Variants in EXD3 observed in about 807,000 individuals in gnomAD.
EXD3 encodes exonuclease 3'-5' domain containing 3.
In EXD3, 92 loss-of-function variants were observed where a neutral mutation model predicts 98.0. That is an observed-to-expected ratio of 0.94 (90% CI 0.79 to 1.12). The LOEUF is 1.12. Ranked by LOEUF, EXD3 falls within the 50% of genes most tolerant of loss-of-function variation. EXD3 has a pLI of 0.00. For missense variants in EXD3, 1,222 were observed against 1,191.6 expected (o/e 1.03, Z -0.38); for synonymous variants, 569 against 526.0 (o/e 1.08, Z -1.12).
At chr9:137,390,301 GGGCA>G (rs1836835759) in intron 2 of EXD3, among the ~76,000 whole-genome samples, 1 of 149,242 alleles carries the variant, frequency 6.7e-6, no homozygotes. Flanking sequence ...GAGTGGCGGC[GGGCA>G]CCTGTAGTCC....
intron 19 of EXD3, among the ~76,000 whole-genome samples, chr9:137,315,727 G>T (rs1402167846): frequency 1.3e-5 from 2 of 152,204 alleles, no homozygotes; most frequent in Admixed American, 1.3e-4. Flanking sequence ...GTTAGCAAGC[G>T]CCTGTGTTTG....
At chr9:137,338,831 T>G (rs1211156399) in intron 17 of EXD3, among the ~76,000 whole-genome samples, 2 of 147,226 alleles carry the variant, frequency 1.4e-5, no homozygotes, top group Non-Finnish European at 3.0e-5. Flanking sequence ...AGGCGGAGCT[T>G]GTAGTGAGCC....
At chr9:137,367,212 C>A (rs1564517386) in intron 6 of EXD3, among the ~76,000 whole-genome samples, 2 of 152,224 alleles carry the variant, frequency 1.3e-5, no homozygotes, top group African/African-American at 4.8e-5. Flanking sequence ...GGCCCACCTG[C>A]CCAGCAGTGC....
intron 17 of EXD3, among the ~76,000 whole-genome samples, chr9:137,329,113 GGCTACACGGGGCTACACGGGA>G (rs1336480937): frequency 4.9e-5 from 1 of 20,204 alleles, no homozygotes; most frequent in Non-Finnish European, 9.1e-5. Context: ...GGCTACACGG[GGCTACACGGGGCTACACGGGA>G]GCTACACGGG....
chr9:137,383,230 G>T, intron 3 of EXD3, 83 bp downstream of exon 3: 1 of 1,155,352 alleles, frequency 8.7e-7, no homozygotes, highest in Non-Finnish European at 1.3e-6. Flanking sequence ...TGACCAGGGA[G>T]GCCTCCTGTT....
At chr9:137,413,059 G>A (rs899596074) in intron 1 of EXD3, among the ~76,000 whole-genome samples, 1 of 152,206 alleles carries the variant, frequency 6.6e-6, no homozygotes, top group Admixed American at 6.5e-5. Flanking sequence ...TGGGATTACA[G>A]GCGTGAGCCA....
rs1040157329 is a variant in EXD3, at chr9:137,385,824, G to T, written c.56-2447C>A. On this transcript the variant is annotated intron_variant, in intron 2 of 21. Transcript: ENST00000340951. The surrounding 1 kb of genome is among the most constrained non-coding windows in gnomAD (Gnocchi z 4.4). ...GCTGGGATGACAGGCGTGAGCCACC[G>T]CGCCCAGCCCAGATTTTCTTTTAAA... Among the ~76,000 whole-genome samples the T allele has an allele frequency of 6.6e-6, 1 of 151,140 alleles. No individual in the cohort carries two copies. Among genetic ancestry groups the T allele is most frequent in the South Asian group, 2.2e-4 (1 of 4,566 alleles).
At chr9:137,402,936 G>A (rs1485279096) in intron 1 of EXD3, among the ~76,000 whole-genome samples, 2 of 152,128 alleles carry the variant, frequency 1.3e-5, no homozygotes, top group African/African-American at 2.4e-5. Context: ...ATCAGATCTC[G>A]TGAGTCATAT....
chr9:137,387,607 AG>A (rs1836670427), intron 2 of EXD3, among the ~76,000 whole-genome samples: 1 of 152,042 alleles, frequency 6.6e-6, no homozygotes, highest in Non-Finnish European at 1.5e-5. Flanking sequence ...GGTGCCTGGG[AG>A]AGCCCTGGGG....
chr9:137,354,877 C>T, intron 8 of EXD3, 104 bp from the exon 9 acceptor site: 1 of 1,087,742 alleles, frequency 9.2e-7, no homozygotes, highest in Non-Finnish European at 1.3e-6. Context: ...CCTGCCCCTT[C>T]ACCGTCCTCC....
intron 17 of EXD3, among the ~76,000 whole-genome samples, chr9:137,335,965 AG>A (rs1198966260): frequency 2.0e-5 from 3 of 152,228 alleles, no homozygotes; most frequent in Non-Finnish European, 4.4e-5. Flanking sequence ...GCCGTAAAAA[AG>A]AACAAAATAA....
At chr9:137,312,844 C>A (rs1016485552) in intron 19 of EXD3, among the ~76,000 whole-genome samples, 2 of 152,136 alleles carry the variant, frequency 1.3e-5, no homozygotes, top group Non-Finnish European at 2.9e-5. Flanking sequence ...GCTGAAGGGG[C>A]CAGCGCTGGG....
intron 8 of EXD3, among the ~76,000 whole-genome samples, chr9:137,355,359 C>A (rs962694000): frequency 6.6e-6 from 1 of 151,506 alleles, no homozygotes; most frequent in Admixed American, 6.6e-5. Flanking sequence ...AGGGCCCCAC[C>A]CCCCACGCCC....
In EXD3 at chr9:137,355,654, GAAGGAGGAAGGAGA is replaced by G. The variant is rs1834700818; in HGVS notation, c.757+600_757+613del. ...GGAGGAAGGAGGAAGGAGGAAGGAGGAAGGAGGAAGGAGAAAGGGAGGATGGAGGAAGGAGAAAG... is the reference window on the plus strand; with the variant it reads ...GGAGGAAGGAGGAAGGAGGAAGGAGGAAGGGAGGATGGAGGAAGGAGAAAG... On this transcript the variant is annotated intron_variant, in intron 8 of 21. Transcript: ENST00000340951. Among the ~76,000 whole-genome samples, 9 of 107,256 alleles carry G rather than the reference GAAGGAGGAAGGAGA, an allele frequency of 8.4e-5. 1 individual carries two copies. The highest frequency in any genetic ancestry group is 6.3e-5 in the Non-Finnish European group (3 of 47,268). The allele number at this position is 107,256 out of a possible 152,430, so 70.4% of individuals were successfully genotyped here.
intron 3 of EXD3, among the ~76,000 whole-genome samples, chr9:137,377,860 C>T (rs1835998801): frequency 7.4e-6 from 1 of 134,980 alleles, no homozygotes; most frequent in South Asian, 2.5e-4. Context: ...GTGGTGCGAT[C>T]TTGGCTCACT....
intron 17 of EXD3, among the ~76,000 whole-genome samples, chr9:137,330,014 T>C (rs1453817667): frequency 3.2e-5 from 4 of 124,090 alleles, no homozygotes; most frequent in Admixed American, 8.3e-5. Flanking sequence ...TACACAGGAC[T>C]ACACAGGACT....
intron 7 of EXD3, 94 bp from the exon 8 acceptor site, chr9:137,356,462 T>G: frequency 1.2e-6 from 1 of 845,264 alleles, no homozygotes; most frequent in East Asian, 2.7e-5. Flanking sequence ...ATGCATAGTT[T>G]AAACCTCAAG....
chr9:137,391,224 G>A (rs1187532580), intron 2 of EXD3, among the ~76,000 whole-genome samples: 1 of 152,256 alleles, frequency 6.6e-6, no homozygotes, highest in African/African-American at 2.4e-5. Flanking sequence ...GGTGCATTAC[G>A]AGAGCGGCAT....
chr9:137,370,973 C>T (rs1031088808), intron 5 of EXD3, among the ~76,000 whole-genome samples: 1 of 152,226 alleles, frequency 6.6e-6, no homozygotes, highest in Non-Finnish European at 1.5e-5. Flanking sequence ...TCCGAGCGGA[C>T]AGGCCTGAAT....
Sources: gnomAD v4.1 joint callset for allele counts (sites outside exome capture counted in the v4.1 genomes callset) on GRCh38, gnomAD v4.1.1 for gene constraint, Gnocchi (gnomAD v3.1) non-coding constraint, MANE v1.5 for transcripts, NCBI Gene and HGNC (gene_info 2026-07-23, HGNC 2026-07-21) for gene names.